Variants in RPGRIP1L observed in about 807,000 individuals in gnomAD.
RPGRIP1L encodes protein fantom.
Under a neutral mutation model 160.4 loss-of-function variants are expected in RPGRIP1L, and 131 were observed. That is an observed-to-expected ratio of 0.82 (90% CI 0.71 to 0.94). RPGRIP1L has a LOEUF of 0.94. Ranked by LOEUF, RPGRIP1L falls within the 40% of genes least tolerant of loss-of-function variation. The pLI, the probability that RPGRIP1L is intolerant of heterozygous loss-of-function variation, is 0.00. For missense variants in RPGRIP1L, 1,522 were observed against 1,535.8 expected (o/e 0.99, Z 0.15); for synonymous variants, 510 against 515.8 (o/e 0.99, Z 0.15).
chr16:53,698,131 G>A (rs942413117), intron 2 of RPGRIP1L, among the ~76,000 whole-genome samples: 3 of 147,706 alleles, frequency 2.0e-5, no homozygotes, highest in African/African-American at 5.1e-5. Context: ...CCCGGCAACC[G>A]CCCCGTCTGA....
At position 53,611,054 on chromosome 16, in the gene RPGRIP1L, A is replaced by G. The variant is rs1964004072; in HGVS notation, c.3617-3T>C. 1 of 1,604,620 alleles carries G rather than the reference A, an allele frequency of 6.2e-7. No individual in the cohort carries two copies. The highest frequency in any genetic ancestry group is 1.3e-5 in the African/African-American group (1 of 74,718). ...GTTTTCTTTATCCACGTAGATCACTATACCAAAAGAAAAAAAAATGCCAAA... is the reference window on the plus strand; with the variant it reads ...GTTTTCTTTATCCACGTAGATCACTGTACCAAAAGAAAAAAAAATGCCAAA... On this transcript the variant is annotated splice_region_variant and splice_polypyrimidine_tract_variant and intron_variant, in intron 24 of 26. Coordinates refer to ENST00000647211, the MANE Select transcript of RPGRIP1L (RefSeq NM_015272.5).
intron 23 of RPGRIP1L, 139 bp downstream of exon 23, chr16:53,622,080 A>T: frequency 3.7e-6 from 1 of 270,458 alleles, no homozygotes; most frequent in Non-Finnish European, 6.6e-6. Context: ...AGATCTGAAG[A>T]TTGGCCCGGC....
rs1488647652 is a variant in RPGRIP1L, at chr16:53,599,304, T to G, written c.*2772A>C. 1 of 152,218 alleles carries G rather than the reference T, an allele frequency of 6.6e-6. No homozygotes were observed. The allele number at this position is 152,218 out of a possible 1,614,324, so 9.4% of individuals were successfully genotyped here. On this transcript the variant is annotated 3_prime_UTR_variant, in exon 27 of 27. Transcript: ENST00000647211. ...TATTTTTAAAAAAACTAATTTAAGT[T>G]AAATGGCAGTAAACCATGATAATTT...
intron 11 of RPGRIP1L, 98 bp downstream of exon 11, chr16:53,658,674 T>A: frequency 1.1e-6 from 1 of 887,462 alleles, no homozygotes; most frequent in South Asian, 1.5e-5. Flanking sequence ...AATTAATATA[T>A]CTGTATGCTT....
intron 14 of RPGRIP1L, among the ~76,000 whole-genome samples, 167 bp downstream of exon 14, chr16:53,656,305 G>T (rs1194434047): frequency 6.6e-6 from 1 of 152,042 alleles, no homozygotes; most frequent in African/African-American, 2.4e-5. Flanking sequence ...TAAAAATTAG[G>T]AATACTGCTG....
intron 9 of RPGRIP1L, among the ~76,000 whole-genome samples, chr16:53,667,497 G>A (rs1968369564): frequency 6.6e-6 from 1 of 152,192 alleles, no homozygotes; most frequent in Admixed American, 6.6e-5. Context: ...CAATGCTTTG[G>A]GAGGCTGAGG....
chr16:53,633,913 C>G (rs1330664715), intron 22 of RPGRIP1L, among the ~76,000 whole-genome samples: 1 of 152,186 alleles, frequency 6.6e-6, no homozygotes, highest in Non-Finnish European at 1.5e-5. Context: ...GTAGTACACA[C>G]AAAAACTGGT....
intron 17 of RPGRIP1L, 123 bp downstream of exon 17, chr16:53,645,502 G>A: frequency 1.2e-6 from 1 of 810,750 alleles, no homozygotes; most frequent in Non-Finnish European, 1.9e-6. Context: ...AGTAATATAG[G>A]CCTAAAGTTT....
chr16:53,602,866 C>T (rs938525502), intron 26 of RPGRIP1L, among the ~76,000 whole-genome samples: 12 of 152,168 alleles, frequency 7.9e-5, no homozygotes, highest in African/African-American at 2.7e-4. Context: ...TGGCAAACCA[C>T]TGTACAGATG....
chr16:53,670,503 A>G (rs557336396), intron 9 of RPGRIP1L, among the ~76,000 whole-genome samples: 1 of 152,284 alleles, frequency 6.6e-6, no homozygotes, highest in East Asian at 1.9e-4. Flanking sequence ...ACACACACAG[A>G]TATCTGTATC....
intron 9 of RPGRIP1L, among the ~76,000 whole-genome samples, chr16:53,665,822 T>C (rs1248298632): frequency 6.6e-6 from 1 of 152,190 alleles, no homozygotes; most frequent in Non-Finnish European, 1.5e-5. Context: ...ACCTAAATAC[T>C]GGTAGTAGGC....
chr16:53,666,799 CTGTA>C (rs1968305794), intron 9 of RPGRIP1L, among the ~76,000 whole-genome samples: 1 of 152,080 alleles, frequency 6.6e-6, no homozygotes, highest in Non-Finnish European at 1.5e-5. Context: ...ACATCAGAAG[CTGTA>C]TGTGTTTAAA....
intron 2 of RPGRIP1L, among the ~76,000 whole-genome samples, chr16:53,696,670 G>A (rs1384832048): frequency 1.3e-5 from 2 of 152,150 alleles, no homozygotes; most frequent in East Asian, 1.9e-4. Context: ...AAAGGCAAGA[G>A]TAAGAGTAAT....
In RPGRIP1L at chr16:53,656,513, T is replaced by C. The variant is rs778581201; in HGVS notation, c.1658A>G (p.His553Arg). 2.4e-5 allele frequency: 38 copies of C among 1,613,904 alleles called. No individual in the cohort carries two copies. In the East Asian group the frequency reaches 8.0e-4, roughly 34 times the overall value. Residue 553 changes from histidine (H) to arginine (R), a missense_variant, in exon 14 of 27, where the codon CAT becomes CGT. Coordinates refer to ENST00000647211, the MANE Select transcript of RPGRIP1L (RefSeq NM_015272.5). ...ACGTGCAGCCCTGATATCAAGAAGATGAACATACTGTTCCACTTTGAGTTC... is the reference window on the plus strand; with the variant it reads ...ACGTGCAGCCCTGATATCAAGAAGACGAACATACTGTTCCACTTTGAGTTC... ...DYELKVEQYV[H>R]LLDIRAARIH...
intron 12 of RPGRIP1L, 112 bp from the exon 13 acceptor site, chr16:53,657,744 C>T (rs941441598): frequency 2.7e-5 from 18 of 663,556 alleles, no homozygotes; most frequent in African/African-American, 9.1e-5. Flanking sequence ...TTTTCAATTT[C>T]ATTAATTGAA....
intron 6 of RPGRIP1L, among the ~76,000 whole-genome samples, chr16:53,675,695 A>G (rs1005004641): frequency 6.6e-6 from 1 of 152,200 alleles, no homozygotes; most frequent in African/African-American, 2.4e-5. Context: ...CAAAGCTGGC[A>G]TTTAAATATG....
intron 16 of RPGRIP1L, 62 bp downstream of exon 16, chr16:53,648,902 A>G: frequency 6.9e-7 from 1 of 1,442,328 alleles, no homozygotes; most frequent in Non-Finnish European, 9.7e-7. Context: ...AAAGCACGAC[A>G]CATAAATAAA....
chr16:53,665,236 G>T (rs1968143761), intron 9 of RPGRIP1L, among the ~76,000 whole-genome samples: 1 of 152,098 alleles, frequency 6.6e-6, no homozygotes, highest in Admixed American at 6.6e-5. Context: ...TTAATTTAGA[G>T]CTCTAAAGTC....
intron 23 of RPGRIP1L, among the ~76,000 whole-genome samples, chr16:53,621,851 G>A (rs1964736315): frequency 1.3e-5 from 2 of 149,550 alleles, no homozygotes; most frequent in African/African-American, 4.9e-5. Flanking sequence ...GTGAAACCCC[G>A]TCTCTACTAA....
Sources: allele counts gnomAD v4.1 joint callset (sites outside exome capture counted in the v4.1 genomes callset), GRCh38; gene constraint gnomAD v4.1.1; transcripts MANE v1.5; gene names NCBI Gene and HGNC (gene_info 2026-07-23, HGNC 2026-07-21).